Variants in UGT1A6 observed in about 807,000 individuals in gnomAD.
UGT1A6 encodes UDP-glucuronosyltransferase 1A6.
A neutral mutation model predicts 44.4 loss-of-function variants in UGT1A6; 32 were observed. That is an observed-to-expected ratio of 0.72 (90% confidence interval 0.54 to 0.97). UGT1A6 has a LOEUF of 0.97. Ranked by LOEUF, UGT1A6 falls within the 50% of genes least tolerant of loss-of-function variation. The pLI is 0.00. For synonymous variants in UGT1A6, 238 were observed against 248.5 expected (o/e 0.96, Z 0.40); for missense variants, 685 against 661.9 (o/e 1.03, Z -0.38).
chr2:233,707,616 T>C (rs557217534), intron 1 of UGT1A6, among the ~76,000 whole-genome samples: 2 of 152,218 alleles, frequency 1.3e-5, no homozygotes, highest in East Asian at 3.9e-4. Context: ...TTGTGGATTG[T>C]CAGTACTGAA....
In UGT1A6 at chr2:233,722,021, C is replaced by T. The variant is rs991627062; in HGVS notation, c.861+28156C>T. On this transcript the variant is annotated intron_variant, in intron 1 of 4. Coordinates refer to ENST00000305139, the MANE Select transcript of UGT1A6 (RefSeq NM_001072.4). ...TTTAAGTGAACAGGAAAACTGAAAC[C>T]TCTTGAATTGCATGATTTTGTGGTG... 3.6e-5 allele frequency: 9 copies of T among 248,092 alleles called. No homozygotes were observed. In the Admixed American group the frequency reaches 3.8e-4, roughly 10 times the overall value. 15.4% of individuals were successfully genotyped at this position (248,092 alleles called of 1,614,324 possible).
intron 1 of UGT1A6, chr2:233,713,159 C>T (rs2076285726): frequency 1.9e-6 from 3 of 1,614,192 alleles, no homozygotes; most frequent in Middle Eastern, 1.7e-4. Flanking sequence ...CGAGAGGCCA[C>T]CAGGTGGTGG....
In UGT1A6 at chr2:233,767,887, T is replaced by TG; in HGVS notation, c.1033dup (p.Ala345GlyfsTer8). ...ACACTGGAACCCGACCATCGAATCTTGCGAACAACACGATACTTGTTAAGT... is the reference window on the plus strand; with the variant it reads ...ACACTGGAACCCGACCATCGAATCTTGGCGAACAACACGATACTTGTTAAGT... On this transcript the variant is annotated frameshift_variant, in exon 3 of 5. Transcript: ENST00000305139. LOFTEE classifies it high-confidence loss of function. 2 of 1,614,208 alleles carry TG rather than the reference T, an allele frequency of 1.2e-6. No individual in the cohort carries two copies. Among genetic ancestry groups the TG allele is most frequent in the Non-Finnish European group, 8.5e-7 (1 of 1,180,046 alleles).
At position 233,760,758 on chromosome 2, in the gene UGT1A6, C is replaced by T. The variant is rs765894633; in HGVS notation, c.862-6276C>T. The stretch of plus-strand genomic sequence containing the variant: ...TGACGGACCCTTTCCTTCCTTGCAG[C>T]CCCATCGTGGCCCAGTACCTGTCTC... On this transcript the variant is annotated intron_variant, in intron 1 of 4. Transcript: ENST00000305139. 28 of 1,613,982 alleles carry T rather than the reference C, an allele frequency of 1.7e-5. No homozygotes were observed. In the Admixed American group the frequency reaches 3.0e-4, roughly 17 times the overall value.
At chr2:233,702,524 C>A (rs2075691177) in intron 1 of UGT1A6, among the ~76,000 whole-genome samples, 1 of 152,076 alleles carries the variant, frequency 6.6e-6, no homozygotes, top group Non-Finnish European at 1.5e-5. Context: ...AGAGGAGATT[C>A]TTATCTTGTT....
intron 4 of UGT1A6, chr2:233,771,129 T>C (rs1305021368): frequency 6.6e-6 from 1 of 152,152 alleles, no homozygotes. Context: ...TCCGACCCCA[T>C]GATCCAAACA....
At chr2:233,727,618 G>A (rs577107936) in intron 1 of UGT1A6, among the ~76,000 whole-genome samples, 2 of 152,292 alleles carry the variant, frequency 1.3e-5, no homozygotes, top group South Asian at 2.1e-4. Context: ...TTCAGAGGCT[G>A]AGAGGTTGCA....
chr2:233,718,753 G>T, intron 1 of UGT1A6: 5 of 1,612,362 alleles, frequency 3.1e-6, no homozygotes, highest in Non-Finnish European at 4.2e-6. Flanking sequence ...AGGTAATTAA[G>T]GCGAAGGAAA....
At chr2:233,695,166 A>AC (rs2075269757) in intron 1 of UGT1A6, among the ~76,000 whole-genome samples, 2 of 139,832 alleles carry the variant, frequency 1.4e-5, no homozygotes, top group African/African-American at 2.7e-5. Context: ...TCACTCTGTC[A>AC]TCAGGCTGGA....
In UGT1A6 at chr2:233,751,441, T is replaced by C. The variant is rs573707863; in HGVS notation, c.862-15593T>C. Among the ~76,000 whole-genome samples the C allele has an allele frequency of 5.9e-5, 9 of 152,232 alleles. No homozygotes were observed. In the East Asian group the frequency reaches 7.7e-4, roughly 13 times the overall value. On this transcript the variant is annotated intron_variant, in intron 1 of 4. Transcript: ENST00000305139. Reference sequence around the variant, plus strand: ...GCTAGTGCTGAAATGAGTTAAGACTTTGGAAGATTGTTGGGAAGGCACGAT... The same window carrying C: ...GCTAGTGCTGAAATGAGTTAAGACTCTGGAAGATTGTTGGGAAGGCACGAT...
intron 1 of UGT1A6, among the ~76,000 whole-genome samples, chr2:233,751,413 T>C (rs1057500388): frequency 6.6e-6 from 1 of 152,208 alleles, no homozygotes; most frequent in Non-Finnish European, 1.5e-5. Flanking sequence ...TATGGACTTT[T>C]GAGCTAGTGC....
chr2:233,732,680 C>A (rs899691828), intron 1 of UGT1A6, among the ~76,000 whole-genome samples: 4 of 151,836 alleles, frequency 2.6e-5, no homozygotes, highest in African/African-American at 9.7e-5. Context: ...TGTTTTGGTA[C>A]CAGCACCCAT....
chr2:233,724,978 CT>C (rs879408503), intron 1 of UGT1A6, among the ~76,000 whole-genome samples: 4,867 of 144,460 alleles, frequency 0.034, 246 homozygotes, highest in African/African-American at 0.053. Context: ...TGGCGGATCA[CT>C]CGCGGTTAGG....
intron 1 of UGT1A6, among the ~76,000 whole-genome samples, chr2:233,749,165 T>C (rs1694132645): frequency 6.6e-6 from 1 of 151,910 alleles, no homozygotes; most frequent in Non-Finnish European, 1.5e-5. Flanking sequence ...TCCTTTTGTA[T>C]TTTTATTTCT....
chr2:233,709,565 T>G (rs2076082358), intron 1 of UGT1A6, among the ~76,000 whole-genome samples: 1 of 152,156 alleles, frequency 6.6e-6, no homozygotes, highest in Non-Finnish European at 1.5e-5. Flanking sequence ...AAATTTAAAC[T>G]TAAAATTCAA....
At position 233,768,309 on chromosome 2, in the gene UGT1A6, C is replaced by T. The variant is rs1286993592; in HGVS notation, c.1171C>T (p.Pro391Ser). 15 of 1,614,122 alleles carry T rather than the reference C, an allele frequency of 9.3e-6. No homozygotes were observed. The highest frequency in any genetic ancestry group is 1.3e-5 in the Non-Finnish European group (15 of 1,180,034). Reference protein sequence around the residue: ...ICNGVPMVMMPLFGDQMDNAK... With the variant: ...ICNGVPMVMMSLFGDQMDNAK... ...CAATGGCGTTCCCATGGTGATGATG[C>T]CCTTGTTTGGTGATCAGATGGACAA... Residue 391 changes from proline to serine, a missense_variant, in exon 4 of 5, where the codon CCC becomes TCC. Physicochemically the swap from Pro to Ser is moderately conservative, Grantham distance 74 (BLOSUM62 -1). Coordinates refer to ENST00000305139, the MANE Select transcript of UGT1A6 (RefSeq NM_001072.4).
At chr2:233,739,740 T>C (rs541880710) in intron 1 of UGT1A6, among the ~76,000 whole-genome samples, 25 of 152,316 alleles carry the variant, frequency 1.6e-4, no homozygotes, top group Non-Finnish European at 3.2e-4. Context: ...AGATGAGACC[T>C]TGGACTATGG....
At chr2:233,766,970 TACTG>T in intron 1 of UGT1A6, 60 bp from the exon 2 acceptor site, 8 of 1,610,026 alleles carry the variant, frequency 5.0e-6, no homozygotes, top group Non-Finnish European at 6.8e-6. Flanking sequence ...ATTCATAACT[TACTG>T]TATGTAGTCA....
intron 1 of UGT1A6, chr2:233,729,506 CT>C (rs2077870453): frequency 6.2e-7 from 1 of 1,614,044 alleles, no homozygotes; most frequent in African/African-American, 1.3e-5. Flanking sequence ...TATCATAGGT[CT>C]TGTGTGGAGC....
Sources: gnomAD v4.1 joint callset for allele counts (sites outside exome capture counted in the v4.1 genomes callset) on GRCh38, gnomAD v4.1.1 for gene constraint, MANE v1.5 for transcripts, NCBI Gene and HGNC (gene_info 2026-07-23, HGNC 2026-07-21) for gene names.